The following SLC8A1 variants were observed in gnomAD, a reference collection of about 807,000 sequenced individuals.
SLC8A1 encodes the protein solute carrier family 8 member A1, also known as sodium/calcium exchanger 1.
SLC8A1 carries 18 observed loss-of-function variants against 68.3 expected under a neutral mutation model. That is an observed-to-expected ratio of 0.26 (90% CI 0.18 to 0.39). The LOEUF (loss-of-function observed/expected upper bound fraction) is 0.39, where lower values mean the gene tolerates loss of function less well. Among genes scored for constraint, SLC8A1 ranks in the 10% least tolerant of loss-of-function variants. The pLI is 1.00. For missense variants in SLC8A1, 985 were observed against 1,156.7 expected (o/e 0.85, Z 2.15); for synonymous variants, 475 against 415.5 (o/e 1.14, Z -1.74).
intron 7 of SLC8A1, among the ~76,000 whole-genome samples, chr2:40,116,107 C>T (rs946528788): frequency 1.3e-5 from 2 of 152,074 alleles, no homozygotes; most frequent in Non-Finnish European, 2.9e-5. Context: ...GAGGGTATTA[C>T]TAAAAGATGC....
chr2:40,224,334 A>G (rs2058709545), intron 2 of SLC8A1, among the ~76,000 whole-genome samples: 1 of 152,144 alleles, frequency 6.6e-6, no homozygotes, highest in Non-Finnish European at 1.5e-5. Context: ...TGTCTCTCAT[A>G]AGATTTGCTT....
chr2:40,335,997 C>A (rs1171247411), intron 2 of SLC8A1, among the ~76,000 whole-genome samples: 2 of 152,196 alleles, frequency 1.3e-5, no homozygotes, highest in Non-Finnish European at 2.9e-5. Context: ...AATGCTAGAG[C>A]TACACCTCAA....
intron 2 of SLC8A1, among the ~76,000 whole-genome samples, chr2:40,354,594 C>T (rs926106270): frequency 6.6e-6 from 1 of 152,118 alleles, no homozygotes; most frequent in African/African-American, 2.4e-5. Flanking sequence ...CTACAGAGCA[C>T]AGTAGTAAGG....
intron 2 of SLC8A1, among the ~76,000 whole-genome samples, chr2:40,322,118 C>T (rs1204604262): frequency 1.3e-5 from 2 of 152,048 alleles, no homozygotes; most frequent in African/African-American, 2.4e-5. Flanking sequence ...TATTATACTG[C>T]ACTGGATGAG....
intron 2 of SLC8A1, among the ~76,000 whole-genome samples, chr2:40,336,579 G>A (rs747294870): frequency 8.6e-5 from 13 of 152,040 alleles, no homozygotes; most frequent in Non-Finnish European, 1.3e-4. Flanking sequence ...TATCTAAACT[G>A]ACCTTTTCCC....
chr2:40,356,750 C>T (rs1268499764), intron 2 of SLC8A1, among the ~76,000 whole-genome samples: 1 of 152,158 alleles, frequency 6.6e-6, no homozygotes, highest in African/African-American at 2.4e-5. Context: ...CTACTTAAAT[C>T]GGCCTGCTTT....
chr2:40,499,413 A>C (rs1705911132), intron 1 of SLC8A1, among the ~76,000 whole-genome samples: 1 of 152,138 alleles, frequency 6.6e-6, no homozygotes, highest in South Asian at 2.1e-4. Context: ...TAGGTAAATC[A>C]CTGAGAAAAG....
At chr2:40,455,852 T>G (rs1702970567), upstream of SLC8A1, among the ~76,000 whole-genome samples, 1 of 152,218 alleles carries the variant, frequency 6.6e-6, no homozygotes, top group African/African-American at 2.4e-5. Flanking sequence ...ACCCTGCTAC[T>G]GCACAACAGT....
chr2:40,378,680 G>C (rs180778434), intron 2 of SLC8A1, among the ~76,000 whole-genome samples: 6 of 152,244 alleles, frequency 3.9e-5, no homozygotes, highest in South Asian at 2.1e-4. Context: ...TGCAGAGAAA[G>C]AGGAATGAGT....
At chr2:40,260,075 C>T (rs150395729) in intron 2 of SLC8A1, among the ~76,000 whole-genome samples, 8 of 152,138 alleles carry the variant, frequency 5.3e-5, no homozygotes, top group Non-Finnish European at 8.8e-5. Flanking sequence ...TATATTGCAA[C>T]CTAACAAACA....
At chr2:40,508,373 A>G (rs1168258874) in intron 1 of SLC8A1, among the ~76,000 whole-genome samples, 1 of 151,920 alleles carries the variant, frequency 6.6e-6, no homozygotes, top group Non-Finnish European at 1.5e-5. Flanking sequence ...AAAATCTAAA[A>G]AAAAGATTTT....
intron 2 of SLC8A1, among the ~76,000 whole-genome samples, chr2:40,287,582 A>T (rs906061802): frequency 7.8e-6 from 1 of 127,480 alleles, no homozygotes; most frequent in Non-Finnish European, 1.7e-5. Flanking sequence ...CAGAGGAATG[A>T]TGTGTGTGTG....
At chr2:40,260,798 T>C (rs1162602735) in intron 2 of SLC8A1, among the ~76,000 whole-genome samples, 5 of 151,744 alleles carry the variant, frequency 3.3e-5, no homozygotes. Flanking sequence ...TAAAACAAGG[T>C]GGCTTATTTT....
rs914755533 is a variant in SLC8A1 at position 40,170,425 on chromosome 2, A to T, written c.1930+4400T>A. ...CTATCAGAGCTTTGTGGAATTAGTA[A>T]GCTAAACATCACACCCAGATGCACA... On this transcript the variant is annotated intron_variant, in intron 4 of 7. Transcript: ENST00000406785. 179 of 1,264,544 alleles carry T rather than the reference A, an allele frequency of 1.4e-4. No individual in the cohort carries two copies. The African/African-American group carries it at 2.2e-3, about 16-fold the overall frequency. 78.3% of individuals were successfully genotyped at this position (1,264,544 alleles called of 1,614,324 possible).
chr2:40,263,643 A>G (rs2064992905), intron 2 of SLC8A1, among the ~76,000 whole-genome samples: 1 of 152,174 alleles, frequency 6.6e-6, no homozygotes, highest in Non-Finnish European at 1.5e-5. Context: ...CCATTTATGG[A>G]AAACTGGCTA....
chr2:40,268,621 C>T (rs925264367), intron 2 of SLC8A1, among the ~76,000 whole-genome samples: 1 of 152,154 alleles, frequency 6.6e-6, no homozygotes, highest in Non-Finnish European at 1.5e-5. Context: ...TTTAATCAAA[C>T]CATCTGAAAT....
intron 2 of SLC8A1, among the ~76,000 whole-genome samples, chr2:40,370,548 C>G (rs72939984): frequency 6.6e-6 from 1 of 151,940 alleles, no homozygotes; most frequent in Non-Finnish European, 1.5e-5. Context: ...CTGGAAAAAA[C>G]TGCATTTCTT....
At chr2:40,183,148 C>T (rs1324053918) in intron 2 of SLC8A1, among the ~76,000 whole-genome samples, 2 of 152,174 alleles carry the variant, frequency 1.3e-5, no homozygotes, top group African/African-American at 4.8e-5. Context: ...AAAACAATGA[C>T]TCTCAGAGAA....
intron 1 of SLC8A1, among the ~76,000 whole-genome samples, chr2:40,436,190 G>A (rs1340692572): frequency 6.6e-6 from 1 of 151,798 alleles, no homozygotes; most frequent in Non-Finnish European, 1.5e-5. Flanking sequence ...TTTCATTGAG[G>A]TATTCCCAGT....
Sources: allele counts gnomAD v4.1 joint callset (sites outside exome capture counted in the v4.1 genomes callset), GRCh38; gene constraint gnomAD v4.1.1; transcripts MANE v1.5; gene names NCBI Gene and HGNC (gene_info 2026-07-23, HGNC 2026-07-21).